YWHAE: variants seen among roughly 807,000 people sequenced by gnomAD.
The protein encoded by YWHAE is 14-3-3 protein epsilon.
A neutral mutation model predicts 30.1 loss-of-function variants in YWHAE; 4 were observed. That is an observed-to-expected ratio of 0.13 (90% CI 0.07 to 0.30). YWHAE has a LOEUF of 0.30. Ranked by LOEUF, YWHAE falls within the 10% of genes least tolerant of loss-of-function variation. The pLI, the probability that YWHAE is intolerant of heterozygous loss-of-function variation, is 1.00. For missense variants in YWHAE, 121 were observed against 315.9 expected (o/e 0.38, Z 4.68); for synonymous variants, 118 against 111.8 (o/e 1.06, Z -0.35).
intron 5 of YWHAE, among the ~76,000 whole-genome samples, chr17:1,349,100 T>C (rs946195446): frequency 2.6e-5 from 4 of 150,998 alleles, no homozygotes; most frequent in Admixed American, 6.6e-5. Flanking sequence ...CCCAGCACTT[T>C]GGGAGGCTGA....
At chr17:1,352,843 T>TA (rs917235790) in intron 5 of YWHAE, among the ~76,000 whole-genome samples, 1 of 152,070 alleles carries the variant, frequency 6.6e-6, no homozygotes, top group African/African-American at 2.4e-5. Context: ...GAAACATTCT[T>TA]AAAGGAACCG....
chr17:1,354,428 T>C, intron 4 of YWHAE, 81 bp from the exon 5 acceptor site: 1 of 1,376,510 alleles, frequency 7.3e-7, no homozygotes, highest in Non-Finnish European at 1.0e-6. Flanking sequence ...AGCAATCTTT[T>C]CTTCAGTTAT....
chr17:1,365,623 GA>G (rs2072930008), intron 1 of YWHAE, among the ~76,000 whole-genome samples: 2 of 152,266 alleles, frequency 1.3e-5, no homozygotes, highest in South Asian at 4.1e-4. Flanking sequence ...GGCGAGCAAA[GA>G]AAGGGGCCCA....
chr17:1,397,885 A>T (rs2073498344), intron 1 of YWHAE, among the ~76,000 whole-genome samples: 1 of 152,092 alleles, frequency 6.6e-6, no homozygotes, highest in Non-Finnish European at 1.5e-5. Context: ...TTACCCCTTT[A>T]GATCCTGAAG....
At chr17:1,396,868 C>A (rs1438388571) in intron 1 of YWHAE, among the ~76,000 whole-genome samples, 3 of 151,648 alleles carry the variant, frequency 2.0e-5, no homozygotes, top group Non-Finnish European at 2.9e-5. Context: ...GTGATCCACC[C>A]GCCTTGGCCT....
rs2072916525 is a variant in YWHAE at position 1,364,636 on chromosome 17, T to C, written c.264+223A>G. On this transcript the variant is annotated intron_variant, in intron 2 of 5. Coordinates refer to ENST00000264335, the MANE Select transcript of YWHAE (RefSeq NM_006761.5). ...CCTGCCAGTGGATGTGATGAAACCA[T>C]GGAAAATACCAAACCTGATACAGAC... 2 of 578,914 alleles carry C rather than the reference T, an allele frequency of 3.5e-6. 1 individual carries two copies. Among genetic ancestry groups the C allele is most frequent in the Non-Finnish European group, 6.0e-6 (2 of 333,332 alleles). 35.9% of individuals were successfully genotyped at this position (578,914 alleles called of 1,614,324 possible). A position where few individuals can be genotyped will look rare whatever the true frequency, so the allele number is the denominator to read the frequency against.
intron 5 of YWHAE, among the ~76,000 whole-genome samples, chr17:1,349,689 C>T (rs1220385640): frequency 3.3e-5 from 5 of 151,048 alleles, no homozygotes; most frequent in African/African-American, 1.2e-4. Flanking sequence ...TCTCGGCTCA[C>T]TGCAAGCTCC....
intron 2 of YWHAE, among the ~76,000 whole-genome samples, chr17:1,364,278 G>C (rs2072909454): frequency 6.6e-6 from 1 of 151,282 alleles, no homozygotes; most frequent in Non-Finnish European, 1.5e-5. Context: ...CCAGGCTGGA[G>C]TGCAGCAGTG....
chr17:1,352,771 C>T (rs903960257), intron 5 of YWHAE, among the ~76,000 whole-genome samples: 5 of 152,156 alleles, frequency 3.3e-5, no homozygotes, highest in Admixed American at 6.5e-5. Context: ...GTGATCCACC[C>T]GCCATGGCGT....
intron 5 of YWHAE, among the ~76,000 whole-genome samples, chr17:1,348,936 G>C (rs2072571430): frequency 6.6e-6 from 1 of 151,654 alleles, no homozygotes. Flanking sequence ...TGAGACAGGA[G>C]AATGGCGTGA....
chr17:1,351,880 T>A (rs2072640417), intron 5 of YWHAE, among the ~76,000 whole-genome samples: 2 of 151,788 alleles, frequency 1.3e-5, no homozygotes, highest in South Asian at 2.1e-4. Flanking sequence ...CTCCACCTCC[T>A]GGGTTCAAGC....
chr17:1,383,257 G>A (rs1482470053), intron 1 of YWHAE, among the ~76,000 whole-genome samples: 2 of 152,122 alleles, frequency 1.3e-5, no homozygotes, highest in Non-Finnish European at 2.9e-5. Context: ...GGCTGAGGCA[G>A]GAGAATTGCT....
At chr17:1,363,105 C>T (rs928365833) in intron 2 of YWHAE, among the ~76,000 whole-genome samples, 3 of 152,170 alleles carry the variant, frequency 2.0e-5, no homozygotes, top group African/African-American at 7.2e-5. Context: ...GCTCTCTACT[C>T]CTAGACTTTC....
chr17:1,392,825 G>C (rs920972207), intron 1 of YWHAE, among the ~76,000 whole-genome samples: 22 of 150,652 alleles, frequency 1.5e-4, no homozygotes, highest in Admixed American at 4.7e-4. Flanking sequence ...ACTCCAGCCT[G>C]AATGACAAGA....
chr17:1,398,531 G>T (rs997360432), intron 1 of YWHAE, among the ~76,000 whole-genome samples: 2 of 152,054 alleles, frequency 1.3e-5, no homozygotes, highest in Non-Finnish European at 2.9e-5. Context: ...TTCGAGGAAA[G>T]CAAGGGCCCT....
chr17:1,352,039 T>G (rs934205054), intron 5 of YWHAE: 3 of 151,526 alleles, frequency 2.0e-5, no homozygotes, highest in Non-Finnish European at 2.9e-5. Flanking sequence ...CACCTTGGCC[T>G]CCCAAAGTGC....
intron 5 of YWHAE, chr17:1,352,006 A>G (rs559233144): frequency 6.7e-6 from 1 of 148,624 alleles, no homozygotes; most frequent in Admixed American, 6.7e-5. Context: ...CTGGTCTTGA[A>G]CTCCTAGGCT....
intron 1 of YWHAE, among the ~76,000 whole-genome samples, chr17:1,366,770 C>G (rs1039049975): frequency 6.6e-6 from 1 of 151,554 alleles, no homozygotes; most frequent in Non-Finnish European, 1.5e-5. Flanking sequence ...TGGTGAAACC[C>G]GTCTCTACTA....
chr17:1,370,832 C>T (rs866463064), intron 1 of YWHAE, among the ~76,000 whole-genome samples: 1 of 151,728 alleles, frequency 6.6e-6, no homozygotes, highest in Admixed American at 6.6e-5. Flanking sequence ...CTCGTCTCTA[C>T]TAAAAGTGCA....
Sources: allele counts gnomAD v4.1 joint callset (sites outside exome capture counted in the v4.1 genomes callset), GRCh38; gene constraint gnomAD v4.1.1; transcripts MANE v1.5; gene names NCBI Gene and HGNC (gene_info 2026-07-23, HGNC 2026-07-21).